The following SUSD4 variants were observed in gnomAD, a reference collection of about 807,000 sequenced individuals.
SUSD4 encodes the protein sushi domain containing 4, also known as sushi domain-containing protein 4.
SUSD4 carries 41 observed loss-of-function variants against 50.5 expected under a neutral mutation model. The ratio of observed to expected loss-of-function variants is 0.81; its 90% CI spans 0.63 to 1.05. The LOEUF is 1.05. Ranked by LOEUF, SUSD4 falls within the 50% of genes least tolerant of loss-of-function variation. The pLI is 0.00. For missense variants in SUSD4, 580 were observed against 634.7 expected (o/e 0.91, Z 0.93); for synonymous variants, 257 against 257.3 (o/e 1.00, Z 0.01).
intron 5 of SUSD4, chr1:223,235,199 CTTTATT>C: frequency 3.0e-6 from 4 of 1,321,738 alleles, no homozygotes; most frequent in Non-Finnish European, 4.1e-6. Context: ...AAAATAAAGA[CTTTATT>C]TTTAAGAGCA....
At chr1:223,290,757 C>CT (rs1664438550) in intron 3 of SUSD4, among the ~76,000 whole-genome samples, 1 of 120,214 alleles carries the variant, frequency 8.3e-6, no homozygotes. Flanking sequence ...GATTTCTCAC[C>CT]CCCTTTCTTG....
At chr1:223,347,372 C>G (rs1032416869) in intron 2 of SUSD4, among the ~76,000 whole-genome samples, 1 of 152,326 alleles carries the variant, frequency 6.6e-6, no homozygotes, top group Non-Finnish European at 1.5e-5. Flanking sequence ...CCCGCCTCCC[C>G]TTCCCAGTGC....
Position 223,223,603 on chromosome 1 carries a change from G to A in SUSD4, c.1090C>T (p.Pro364Ser). Residue 364 changes from proline (P) to serine (S), a missense_variant, in exon 8 of 9, where the codon CCT (proline) becomes TCT (serine). By Grantham distance (74) the Pro-to-Ser change is moderately conservative. Transcript: ENST00000366878. Reference sequence around the variant, plus strand: ...ACGCCGTCTACCACCACAAAGTCAGGGTCACTGCTGGAACTCCGGGGAGGC... The same window carrying A: ...ACGCCGTCTACCACCACAAAGTCAGAGTCACTGCTGGAACTCCGGGGAGGC... ...RGPPRSSSSD[P>S]DFVVVDGVPV... 1.2e-6 allele frequency: 2 copies of A among 1,610,570 alleles called. No homozygotes were observed. The highest frequency in any genetic ancestry group is 1.7e-6 in the Non-Finnish European group (2 of 1,177,894).
At chr1:223,353,587 C>G (rs143803641) in intron 2 of SUSD4, among the ~76,000 whole-genome samples, 1 of 152,160 alleles carries the variant, frequency 6.6e-6, no homozygotes, top group Non-Finnish European at 1.5e-5. Flanking sequence ...AGATCACTCT[C>G]TAACAATTGA....
intron 2 of SUSD4, among the ~76,000 whole-genome samples, chr1:223,341,644 A>T (rs1278045174): frequency 6.6e-6 from 1 of 152,162 alleles, no homozygotes; most frequent in Non-Finnish European, 1.5e-5. Flanking sequence ...ACACAAACGG[A>T]GGGACAATCA....
chr1:223,315,925 T>C (rs1426115307), intron 2 of SUSD4, among the ~76,000 whole-genome samples: 4 of 152,128 alleles, frequency 2.6e-5, no homozygotes, highest in African/African-American at 9.7e-5. Flanking sequence ...CAGTCTGTCT[T>C]AGAAGCCTAC....
At position 223,253,999 on chromosome 1, in the gene SUSD4, G is replaced by T. The variant is rs950068511; in HGVS notation, c.724+10631C>A. 3.9e-5 allele frequency among the ~76,000 whole-genome samples: 6 copies of T among 152,182 alleles called. No individual in the cohort carries two copies. In the South Asian group the frequency reaches 1.2e-3, roughly 31 times the overall value. Reference sequence around the variant, plus strand: ...CTGTGGATTTGCAAAAATAGGAGGGGACTACAGGGCAAAGGAGGATTATAT... The same window carrying T: ...CTGTGGATTTGCAAAAATAGGAGGGTACTACAGGGCAAAGGAGGATTATAT... On this transcript the variant is annotated intron_variant, in intron 5 of 8. Transcript: ENST00000366878.
intron 5 of SUSD4, among the ~76,000 whole-genome samples, chr1:223,249,794 T>A (rs769999897): frequency 1.3e-5 from 2 of 152,236 alleles, no homozygotes; most frequent in Non-Finnish European, 2.9e-5. Flanking sequence ...AAATGCATGC[T>A]ATTCTGTGAA....
chr1:223,354,850 A>T (rs560500464), intron 2 of SUSD4, among the ~76,000 whole-genome samples: 1 of 152,358 alleles, frequency 6.6e-6, no homozygotes, highest in African/African-American at 2.4e-5. Flanking sequence ...AGTCTGAAGG[A>T]TTCTTCTATG....
At chr1:223,278,257 A>G (rs991816243) in intron 3 of SUSD4, among the ~76,000 whole-genome samples, 1 of 152,206 alleles carries the variant, frequency 6.6e-6, no homozygotes, top group Non-Finnish European at 1.5e-5. Context: ...GAGCCAAAGC[A>G]GGGCGAGGCA....
At chr1:223,288,614 T>G (rs1315667836) in intron 3 of SUSD4, among the ~76,000 whole-genome samples, 1 of 152,178 alleles carries the variant, frequency 6.6e-6, no homozygotes, top group Non-Finnish European at 1.5e-5. Flanking sequence ...CTGGCTAGTA[T>G]AGCCAATGCC....
chr1:223,296,453 A>T (rs1664830878), intron 2 of SUSD4, among the ~76,000 whole-genome samples: 1 of 152,164 alleles, frequency 6.6e-6, no homozygotes, highest in African/African-American at 2.4e-5. Flanking sequence ...ATAGATGTCT[A>T]GCCATCAGCT....
At chr1:223,341,509 G>A (rs1193744664) in intron 2 of SUSD4, among the ~76,000 whole-genome samples, 1 of 151,844 alleles carries the variant, frequency 6.6e-6, no homozygotes, top group Non-Finnish European at 1.5e-5. Context: ...GGCTGAGTGG[G>A]AAGCAGAAGG....
At chr1:223,344,787 T>C (rs1295553492) in intron 2 of SUSD4, among the ~76,000 whole-genome samples, 1 of 152,166 alleles carries the variant, frequency 6.6e-6, no homozygotes, top group Non-Finnish European at 1.5e-5. Context: ...CCTAACATGA[T>C]ATGTACACGT....
At chr1:223,293,403 G>A (rs1664622260) in intron 2 of SUSD4, among the ~76,000 whole-genome samples, 1 of 152,190 alleles carries the variant, frequency 6.6e-6, no homozygotes, top group Non-Finnish European at 1.5e-5. Flanking sequence ...CTCATCCCAG[G>A]CTGTGCGCCC....
Position 223,221,387 on chromosome 1 carries a change from T to C in SUSD4, c.*805A>G, listed in dbSNP as rs914179419. On this transcript the variant is annotated 3_prime_UTR_variant, in exon 9 of 9. Coordinates refer to ENST00000366878, the MANE Select transcript of SUSD4 (RefSeq NM_017982.4). Reference sequence around the variant, plus strand: ...ATTACCTTGGTTACTGTCTCCATCATGAGATGTATTTGAACACATTCTGAC... The same window carrying C: ...ATTACCTTGGTTACTGTCTCCATCACGAGATGTATTTGAACACATTCTGAC... 3.3e-6 allele frequency: 1 copy of C among 305,948 alleles called. No individual in the cohort carries two copies. The highest frequency in any genetic ancestry group is 6.0e-6 in the Non-Finnish European group (1 of 167,846). 19.0% of individuals were successfully genotyped at this position (305,948 alleles called of 1,614,324 possible).
At chr1:223,339,628 T>A (rs1175839865) in intron 2 of SUSD4, among the ~76,000 whole-genome samples, 1 of 152,170 alleles carries the variant, frequency 6.6e-6, no homozygotes, top group Non-Finnish European at 1.5e-5. Context: ...CCCATCAGAA[T>A]CTCACGACAC....
Position 223,292,534 on chromosome 1 carries a change from A to G in SUSD4, c.266T>C (p.Phe89Ser), listed in dbSNP as rs757503850. The G allele has an allele frequency of 6.2e-7, 1 of 1,614,156 alleles. No individual in the cohort carries two copies. The highest frequency in any genetic ancestry group is 8.5e-7 in the Non-Finnish European group (1 of 1,180,012). Residue 89 changes from phenylalanine (F) to serine (S), a missense_variant, in exon 3 of 9, where the codon TTC (phenylalanine) becomes TCC (serine). By Grantham distance (155) the Phe-to-Ser change is radical. Coordinates refer to ENST00000366878, the MANE Select transcript of SUSD4 (RefSeq NM_017982.4). ...TCTCTTTGTAGCGCCCTTCAGCTTG[A>G]ATCCGTCTTGGCAGTGAAATCGGGC... ...SVARFHCQDG[F>S]KLKGATKRLC...
At chr1:223,363,179 T>G in intron 2 of SUSD4, 99 bp downstream of exon 2, 2 of 1,309,600 alleles carry the variant, frequency 1.5e-6, no homozygotes, top group Non-Finnish European at 2.0e-6. Context: ...TCCTGAAGTC[T>G]GGGTGTATGG....
Sources: allele counts gnomAD v4.1 joint callset (sites outside exome capture counted in the v4.1 genomes callset), GRCh38; gene constraint gnomAD v4.1.1; transcripts MANE v1.5; gene names NCBI Gene and HGNC (gene_info 2026-07-23, HGNC 2026-07-21).